The following TRAF7 variants were observed in gnomAD, a reference collection of about 807,000 sequenced individuals.
The protein encoded by TRAF7 is TNF receptor associated factor 7, also known as E3 ubiquitin-protein ligase TRAF7.
A neutral mutation model predicts 89.3 loss-of-function variants in TRAF7; 45 were observed. The ratio of observed to expected loss-of-function variants is 0.50; its 90% confidence interval spans 0.40 to 0.65. The LOEUF is 0.65. Ranked by LOEUF, TRAF7 falls within the 30% of genes least tolerant of loss-of-function variation. The pLI is 0.00. For synonymous variants in TRAF7, 406 were observed against 369.2 expected, an observed-to-expected ratio of 1.10 and a Z score of -1.14; for missense variants, 677 against 918.1, an observed-to-expected ratio of 0.74 and a Z score of 3.39.
chr16:2,164,142 GT>G (rs2141271379), intron 2 of TRAF7, 141 bp downstream of exon 2: 7 of 567,650 alleles, frequency 1.2e-5, no homozygotes, highest in Admixed American at 3.6e-5. Flanking sequence ...GGGGTGTGGT[GT>G]GTGTGTGTGT....
chr16:2,167,983 G>C, intron 3 of TRAF7, 94 bp from the exon 4 acceptor site: 2 of 1,163,462 alleles, frequency 1.7e-6, no homozygotes, highest in Non-Finnish European at 2.5e-6. Flanking sequence ...TGAGCTACAG[G>C]GGACCCACAG....
chr16:2,162,349 G>A lies in TRAF7; in HGVS notation c.-38-1534G>A, dbSNP rs2093061425. Among the ~76,000 whole-genome samples the A allele has an allele frequency of 6.6e-6, 1 of 152,124 alleles. No homozygotes were observed. Among genetic ancestry groups the A allele is most frequent in the Admixed American group, 6.5e-5 (1 of 15,286 alleles). Reference sequence around the variant, plus strand: ...TCCCTGCACACCTGTAGGCCGGGCTGGGGGGCCCCAGGCCAGACTGTGGGC... The same window carrying A: ...TCCCTGCACACCTGTAGGCCGGGCTAGGGGGCCCCAGGCCAGACTGTGGGC... On this transcript the variant is annotated intron_variant, in intron 1 of 20. Coordinates refer to ENST00000326181, the MANE Select transcript of TRAF7 (RefSeq NM_032271.3). The surrounding 1 kb of genome is among the most constrained non-coding windows in gnomAD (Gnocchi z 5.0).
intron 2 of TRAF7, among the ~76,000 whole-genome samples, chr16:2,164,684 T>C (rs35820): frequency 9.4e-3 from 548 of 58,314 alleles, no homozygotes; most frequent in Middle Eastern, 0.056. Flanking sequence ...GCGGCCTGGT[T>C]GCATGGTTAA....
rs1271565804 is a variant in TRAF7, at chr16:2,163,199, C to G, written c.-38-684C>G. Among the ~76,000 whole-genome samples the G allele has an allele frequency of 1.3e-5, 2 of 152,336 alleles. No individual in the cohort carries two copies. The highest frequency in any genetic ancestry group is 2.1e-4 in the South Asian group (1 of 4,832). On this transcript the variant is annotated intron_variant, in intron 1 of 20. Transcript: ENST00000326181. The surrounding 1 kb of genome is among the most constrained non-coding windows in gnomAD (Gnocchi z 4.3). ...TTCCCGCATGCCTTCTCCCTGCCCC[C>G]CCACCCACCAGCCCCTGAGCCCCTG... is the stretch of plus-strand genomic sequence containing the variant.
chr16:2,165,886 T>G lies in TRAF7; in HGVS notation c.89T>G (p.Met30Arg), dbSNP rs1381450656. ...PTPDVTTGTR[M>R]ETTFGPAFSA... ...CCTCCGTCCTCCCTCTAGACCAGAA[T>G]GGAAACGACCTTCGGACCCGCCTTT... is the stretch of plus-strand genomic sequence containing the variant. The change falls in exon 3 of 21, where the codon ATG becomes AGG. Residue 30 changes from methionine (M) to arginine (R), a missense_variant. Physicochemically the swap from Met to Arg is moderately conservative, Grantham distance 91. Around this residue, in one of 6 missense-constraint regions of TRAF7, gnomAD observed 240 missense variants for 191.9 expected, o/e 1.25. Transcript: ENST00000326181. 6.2e-7 allele frequency: 1 copy of G among 1,613,972 alleles called. No individual in the cohort carries two copies. Among genetic ancestry groups the G allele is most frequent in the Non-Finnish European group, 8.5e-7 (1 of 1,179,956 alleles).
At chr16:2,166,220 G>T (rs2093086180) in intron 3 of TRAF7, among the ~76,000 whole-genome samples, 2 of 152,158 alleles carry the variant, frequency 1.3e-5, no homozygotes, top group African/African-American at 4.8e-5. Flanking sequence ...GACATCTCCA[G>T]CACCACCACA....
chr16:2,157,374 A>G (rs561668376), intron 1 of TRAF7, among the ~76,000 whole-genome samples: 3 of 151,776 alleles, frequency 2.0e-5, no homozygotes, highest in Admixed American at 1.3e-4. Flanking sequence ...GTCTCTGGTG[A>G]AGTGACTTCC....
Position 2,171,252 on chromosome 16 carries a change from G to T in TRAF7, c.349-12G>T, listed in dbSNP as rs766730147. The T allele has an allele frequency of 6.5e-7, 1 of 1,539,612 alleles. No individual in the cohort carries two copies. Reference sequence around the variant, plus strand: ...CCTCCCGCCATCGCCTGCCTTTCCCGCTTGGTTCCAGGAGCCACTGGTGTT... The same window carrying T: ...CCTCCCGCCATCGCCTGCCTTTCCCTCTTGGTTCCAGGAGCCACTGGTGTT... On this transcript the variant is annotated splice_polypyrimidine_tract_variant and intron_variant, in intron 5 of 20. Transcript: ENST00000326181.
chr16:2,167,239 G>A (rs558350301), intron 3 of TRAF7, among the ~76,000 whole-genome samples: 264 of 152,286 alleles, frequency 1.7e-3, no homozygotes, highest in African/African-American at 6.0e-3. Context: ...GATGGGCAGA[G>A]CCAGGCAGCA....
chr16:2,158,479 C>T lies in TRAF7; in HGVS notation c.-39+2621C>T, dbSNP rs2093044841. 6.6e-6 allele frequency among the ~76,000 whole-genome samples: 1 copy of T among 152,190 alleles called. No homozygotes were observed. Among genetic ancestry groups the T allele is most frequent in the South Asian group, 2.1e-4 (1 of 4,836 alleles). ...GAGGTGACCCAACCCCAGAAGCACC[C>T]AGGTGGGAAGTAGGGGGCAGCGACG... is the stretch of plus-strand genomic sequence containing the variant. On this transcript the variant is annotated intron_variant, in intron 1 of 20. Coordinates refer to ENST00000326181, the MANE Select transcript of TRAF7 (RefSeq NM_032271.3). The surrounding 1 kb of genome is among the most constrained non-coding windows in gnomAD (Gnocchi z 4.7).
intron 3 of TRAF7, among the ~76,000 whole-genome samples, chr16:2,167,597 C>T (rs571483776): frequency 6.6e-6 from 1 of 152,340 alleles, no homozygotes; most frequent in Admixed American, 6.5e-5. Context: ...TCCCAGCCCA[C>T]ACCTCAACCT....
rs139483392 is a variant in TRAF7 at position 2,175,385 on chromosome 16, G to T, written c.1471G>T (p.Val491Leu). ...PVCTLVSSHN[V>L]LFSGSLKAIK... ...GTGCACGCTGGTCTCCTCACACAAC[G>T]TGCTCTTCAGCGGCTCCCTGAAGGC... Residue 491 changes from valine (V) to leucine (L), a missense_variant, in exon 16 of 21, where the codon GTG (valine) becomes TTG (leucine). Around this residue, in one of 6 missense-constraint regions of TRAF7, gnomAD observed 160 missense variants for 263.7 expected, o/e 0.61. Coordinates refer to ENST00000326181, the MANE Select transcript of TRAF7 (RefSeq NM_032271.3). 1.4e-5 allele frequency: 23 copies of T among 1,613,622 alleles called. No homozygotes were observed. The South Asian group carries it at 1.9e-4, about 13-fold the overall frequency.
chr16:2,175,633 G>A lies in TRAF7; in HGVS notation c.1626+11G>A, dbSNP rs778048500. On this transcript the variant is annotated intron_variant, in intron 17 of 20. Transcript: ENST00000326181. ...TACCAGACAATCAAGGTGCGCTTGG[G>A]CACACCTGGTGGCCACAGGGCCTTG... is the stretch of plus-strand genomic sequence containing the variant. 12 of 1,609,850 alleles carry A rather than the reference G, an allele frequency of 7.5e-6. No homozygotes were observed. Among genetic ancestry groups the A allele is most frequent in the African/African-American group, 2.7e-5 (2 of 74,870 alleles).
chr16:2,171,496 C>T, intron 6 of TRAF7, 76 bp from the exon 7 acceptor site: 2 of 1,603,908 alleles, frequency 1.2e-6, no homozygotes, highest in South Asian at 1.1e-5. Flanking sequence ...ACAGCGAGGC[C>T]TGTGGCTGCC....
rs2093137362 is a variant in TRAF7 at position 2,176,509 on chromosome 16, G to A, written c.1999-51G>A. On this transcript the variant is annotated intron_variant, in intron 20 of 20. Transcript: ENST00000326181. ...GGTACGTGTGGCAGGTGTGGCTGGG[G>A]CAGGGCAGCCGGCCGCAGGACATCC... The A allele has an allele frequency of 1.2e-6, 2 of 1,613,028 alleles. 1 individual carries two copies. The highest frequency in any genetic ancestry group is 2.2e-5 in the South Asian group (2 of 91,084).
chr16:2,168,044 C>T lies in TRAF7; in HGVS notation c.140-33C>T. 1 of 1,600,166 alleles carries T rather than the reference C, an allele frequency of 6.2e-7. No individual in the cohort carries two copies. Among genetic ancestry groups the T allele is most frequent in the Non-Finnish European group, 8.5e-7 (1 of 1,173,484 alleles). ...CCTCCCCCACATCTGCTGAGGGAGC[C>T]CCCACTGAGACGCCAGCCCTCTTGC... On this transcript the variant is annotated intron_variant, in intron 3 of 20. Transcript: ENST00000326181. This position sits in a 1 kb window ranked among gnomAD's most constrained non-coding sequence, Gnocchi z 4.1.
At chr16:2,157,276 C>T (rs183081060) in intron 1 of TRAF7, among the ~76,000 whole-genome samples, 12 of 152,246 alleles carry the variant, frequency 7.9e-5, no homozygotes, top group African/African-American at 2.4e-4. Flanking sequence ...GGCCCCGTGT[C>T]CTGAGGGGGA....
rs767147970 is a variant in TRAF7 at position 2,177,385 on chromosome 16, G to A, written c.*811G>A. ...CCACCTCCGCCAGCCGCCTCCACCC[G>A]CCCCACACCACAATCGCTGGTTTTC... On this transcript the variant is annotated 3_prime_UTR_variant, in exon 21 of 21. Coordinates refer to ENST00000326181, the MANE Select transcript of TRAF7 (RefSeq NM_032271.3). The A allele has an allele frequency of 6.9e-5, 16 of 233,410 alleles. No individual in the cohort carries two copies. The highest frequency in any genetic ancestry group is 1.3e-4 in the Non-Finnish European group (15 of 118,158). The allele number at this position is 233,410 out of a possible 1,614,324, so 14.5% of individuals were successfully genotyped here. A position where few individuals can be genotyped will look rare whatever the true frequency, so the allele number is the denominator to read the frequency against.
chr16:2,167,980 C>CA (rs1365822228), intron 3 of TRAF7, 97 bp from the exon 4 acceptor site: 3 of 1,130,290 alleles, frequency 2.7e-6, no homozygotes, highest in Non-Finnish European at 3.9e-6. Flanking sequence ...CTGTGAGCTA[C>CA]AGGGGACCCA....
Sources: allele counts gnomAD v4.1 joint callset (sites outside exome capture counted in the v4.1 genomes callset), GRCh38; gene constraint gnomAD v4.1.1; regional missense constraint gnomAD v4.1.1; non-coding constraint Gnocchi (gnomAD v3.1); transcripts MANE v1.5; gene names NCBI Gene and HGNC (gene_info 2026-07-23, HGNC 2026-07-21).